The following TMEM131 variants were observed in gnomAD, a reference collection of about 807,000 sequenced individuals.
The protein encoded by TMEM131 is transmembrane protein 131, also known as 2610524E03Rik.
TMEM131 carries 66 observed loss-of-function variants against 211.6 expected under a neutral mutation model. That is an observed-to-expected ratio of 0.31 (90% CI 0.26 to 0.38). The LOEUF (loss-of-function observed/expected upper bound fraction) is 0.38. Ranked by LOEUF, TMEM131 falls within the 10% of genes least tolerant of loss-of-function variation. The pLI is 1.00. For missense variants in TMEM131, 2,036 were observed against 2,299.3 expected (o/e 0.89, Z 2.34); for synonymous variants, 844 against 841.3 (o/e 1.00, Z -0.06).
chr2:97,898,567 T>C (rs972715334), intron 3 of TMEM131, among the ~76,000 whole-genome samples: 1 of 152,186 alleles, frequency 6.6e-6, no homozygotes, highest in Non-Finnish European at 1.5e-5. Context: ...AGTTACACAG[T>C]GGAATGGCTG....
chr2:97,965,011 A>T (rs533821224), intron 1 of TMEM131, among the ~76,000 whole-genome samples: 1 of 152,276 alleles, frequency 6.6e-6, no homozygotes, highest in East Asian at 1.9e-4. Flanking sequence ...CTGAGGAGAA[A>T]AGTCTCCTTA....
intron 34 of TMEM131, 33 bp from the exon 35 acceptor site, chr2:97,766,296 G>A: frequency 1.9e-6 from 3 of 1,613,038 alleles, no homozygotes; most frequent in Non-Finnish European, 2.5e-6. Flanking sequence ...CATGGTTAAT[G>A]GAGAATCATT....
At chr2:97,857,110 A>G (rs1178114793) in intron 5 of TMEM131, among the ~76,000 whole-genome samples, 1 of 152,248 alleles carries the variant, frequency 6.6e-6, no homozygotes, top group Non-Finnish European at 1.5e-5. Context: ...TCAAGTTAGT[A>G]GCCTTTAGCC....
intron 31 of TMEM131, among the ~76,000 whole-genome samples, chr2:97,779,663 G>A (rs1679904429): frequency 6.6e-6 from 1 of 152,166 alleles, no homozygotes; most frequent in African/African-American, 2.4e-5. Context: ...AACTCTGCGG[G>A]TAGGCACAGC....
chr2:97,946,676 AT>A (rs1424770616), intron 1 of TMEM131, among the ~76,000 whole-genome samples: 1 of 151,976 alleles, frequency 6.6e-6, no homozygotes, highest in Non-Finnish European at 1.5e-5. Flanking sequence ...GAAAAAAAAA[AT>A]CATACGCAAA....
chr2:97,873,811 T>C (rs1674584293), intron 4 of TMEM131, among the ~76,000 whole-genome samples: 2 of 152,216 alleles, frequency 1.3e-5, no homozygotes, highest in Admixed American at 1.3e-4. Context: ...AGAAGGTCTC[T>C]TCTCCTCCAA....
chr2:97,827,634 A>G (rs1682466020), intron 11 of TMEM131: 1 of 946,354 alleles, frequency 1.1e-6, no homozygotes, highest in Admixed American at 2.0e-5. Context: ...TATTTTGTAA[A>G]TGCAAGTTTT....
Position 97,815,291 on chromosome 2 carries a change from CT to C in TMEM131, c.1199del (p.Lys400SerfsTer9). ...SISFDASKAKKPSQFSGKITV... is the reference protein window; with the variant it reads ...SISFDASKAKXPSQFSGKITV... ...TTATTTTCCCAGAAAACTGAGATGG[CT>C]TTTTTGCCTTCGATGCTGAAAGGAA... is the stretch of plus-strand genomic sequence containing the variant. On this transcript the variant is annotated frameshift_variant, in exon 13 of 41. Coordinates refer to ENST00000186436, the MANE Select transcript of TMEM131 (RefSeq NM_015348.2). LOFTEE classifies it high-confidence loss of function. 2 of 1,567,032 alleles carry C rather than the reference CT, an allele frequency of 1.3e-6. No homozygotes were observed. Among genetic ancestry groups the C allele is most frequent in the African/African-American group, 1.4e-5 (1 of 71,642 alleles).
At chr2:97,771,628 G>A (rs995585565) in intron 33 of TMEM131, among the ~76,000 whole-genome samples, 1 of 152,230 alleles carries the variant, frequency 6.6e-6, no homozygotes, top group East Asian at 1.9e-4. Flanking sequence ...TATTACTGAT[G>A]CACCAACACT....
At chr2:97,774,358 G>A (rs532895453) in intron 32 of TMEM131, among the ~76,000 whole-genome samples, 3 of 152,350 alleles carry the variant, frequency 2.0e-5, no homozygotes, top group African/African-American at 7.2e-5. Context: ...GAGAAGACAT[G>A]CAAGAGAAAA....
At chr2:97,843,192 T>A (rs1426731659) in intron 6 of TMEM131, among the ~76,000 whole-genome samples, 1 of 151,808 alleles carries the variant, frequency 6.6e-6, no homozygotes, top group Non-Finnish European at 1.5e-5. Context: ...TGAGTTTGAG[T>A]CCCCCTCAAC....
At chr2:97,870,810 A>G (rs568439977) in intron 4 of TMEM131, among the ~76,000 whole-genome samples, 35 of 152,316 alleles carry the variant, frequency 2.3e-4, no homozygotes, top group African/African-American at 8.2e-4. Context: ...TGTACCACTC[A>G]ATTACCGCAA....
chr2:97,956,241 T>C (rs1461902494), intron 1 of TMEM131, among the ~76,000 whole-genome samples: 1 of 152,098 alleles, frequency 6.6e-6, no homozygotes, highest in Non-Finnish European at 1.5e-5. Flanking sequence ...ATGAAAATAA[T>C]CCACTGGAGG....
At chr2:97,896,635 G>A (rs1675624143) in intron 3 of TMEM131, among the ~76,000 whole-genome samples, 1 of 151,986 alleles carries the variant, frequency 6.6e-6, no homozygotes, top group African/African-American at 2.4e-5. Context: ...TGTCTCTTTT[G>A]ATCTTTGTTG....
At chr2:97,882,796 C>A (rs961711350) in intron 4 of TMEM131, among the ~76,000 whole-genome samples, 3 of 152,182 alleles carry the variant, frequency 2.0e-5, no homozygotes, top group African/African-American at 7.2e-5. Context: ...TTGGTTCACA[C>A]CTGCCTGCAA....
intron 11 of TMEM131, among the ~76,000 whole-genome samples, chr2:97,820,085 G>A (rs969749784): frequency 5.3e-5 from 8 of 152,178 alleles, no homozygotes; most frequent in Non-Finnish European, 1.0e-4. Context: ...GCAAGTGTTC[G>A]TTCACAGGGT....
In TMEM131 at chr2:97,796,827, C is replaced by A. The variant is rs770346244; in HGVS notation, c.3013+17G>T. The A allele has an allele frequency of 1.4e-4, 223 of 1,606,204 alleles. No individual in the cohort carries two copies. Among genetic ancestry groups the A allele is most frequent in the Non-Finnish European group, 1.8e-4 (212 of 1,176,614 alleles). ...AATGCTGAAATTAGTGTCCTTGAAA[C>A]TGTTAGGAAGACTTACTATCTGTAC... On this transcript the variant is annotated intron_variant, in intron 27 of 40. Coordinates refer to ENST00000186436, the MANE Select transcript of TMEM131 (RefSeq NM_015348.2).
At chr2:97,793,052 C>G (rs1326400107) in intron 30 of TMEM131, 68 bp from the exon 31 acceptor site, 13 of 1,172,488 alleles carry the variant, frequency 1.1e-5, no homozygotes, top group Admixed American at 2.9e-5. Flanking sequence ...AAAAAAACTT[C>G]AACTTCATCA....
intron 5 of TMEM131, among the ~76,000 whole-genome samples, chr2:97,853,432 T>C (rs1373512878): frequency 4.4e-5 from 4 of 90,416 alleles, no homozygotes; most frequent in Non-Finnish European, 8.5e-5. Flanking sequence ...CCATCTCTAC[T>C]AAAAAAAAAA....
Sources: gnomAD v4.1 joint callset for allele counts (sites outside exome capture counted in the v4.1 genomes callset) on GRCh38, gnomAD v4.1.1 for gene constraint, MANE v1.5 for transcripts, NCBI Gene and HGNC (gene_info 2026-07-23, HGNC 2026-07-21) for gene names.